The following UTS2 variants were observed in gnomAD, a reference collection of about 807,000 sequenced individuals.
The protein encoded by UTS2 is urotensin 2.
A neutral mutation model predicts 12.6 loss-of-function variants in UTS2; 10 were observed. The ratio of observed to expected loss-of-function variants is 0.80; its 90% CI spans 0.49 to 1.35. The LOEUF is 1.35. UTS2 is among the 40% of genes most tolerant of loss of function. The pLI is 0.00. For synonymous variants in UTS2, 52 were observed against 50.0 expected, an observed-to-expected ratio of 1.04 and a Z score of -0.17; for missense variants, 142 against 143.2, an observed-to-expected ratio of 0.99 and a Z score of 0.04.
At chr1:7,897,485 T>C in the UTS2 span, among the ~76,000 whole-genome samples, 1 of 152,374 alleles carries the variant, frequency 6.6e-6, no homozygotes, top group East Asian at 1.9e-4. Flanking sequence ...TATAAATCAA[T>C]TTGGAGAGAA....
the UTS2 span, among the ~76,000 whole-genome samples, chr1:7,890,045 C>T: frequency 4.7e-5 from 7 of 149,482 alleles, no homozygotes; most frequent in South Asian, 2.1e-4. Flanking sequence ...CCAGCGTAGA[C>T]GACAGAGCGA....
At chr1:7,864,975 GTGTC>G in the UTS2 span, among the ~76,000 whole-genome samples, 1 of 80,898 alleles carries the variant, frequency 1.2e-5, no homozygotes, top group Non-Finnish European at 2.9e-5. Context: ...GTCCCTCTGT[GTGTC>G]TGTCTGTCTG....
rs2097409256 is a variant in UTS2, at chr1:7,847,773, CAG to C, written c.366_367del (p.Tyr122Ter). The C allele has an allele frequency of 2.5e-6, 4 of 1,610,420 alleles. No homozygotes were observed. The highest frequency in any genetic ancestry group is 3.4e-6 in the Non-Finnish European group (4 of 1,177,548). The stretch of plus-strand genomic sequence containing the variant: ...ACAGATGCTTATTTCACTTCAGACA[CAG>C]TATTTCCAGAAGCAATCAGGAGTCT... On this transcript the variant is annotated stop_gained and frameshift_variant, in exon 4 of 4. Transcript: ENST00000361696. LOFTEE classifies it high-confidence loss of function.
At chr1:7,867,494 T>C in the UTS2 span, among the ~76,000 whole-genome samples, 2 of 152,130 alleles carry the variant, frequency 1.3e-5, no homozygotes, top group East Asian at 1.9e-4. Flanking sequence ...GAAAGGACCA[T>C]GTGAAGACGC....
chr1:7,850,898 G>C lies in UTS2; in HGVS notation c.128C>G (p.Thr43Ser). The change falls in exon 2 of 4, where the codon ACT becomes AGT. Residue 43 changes from threonine to serine, a missense_variant. Thr to Ser is a moderately conservative substitution (Grantham distance 58, BLOSUM62 1). Coordinates refer to ENST00000361696, the MANE Select transcript of UTS2 (RefSeq NM_006786.4). ...GGAAGCTCTTTCTAGCTCCTCCGGAGTTAAGCGCGCGTCTTCATGAGGTGC... is the reference window on the plus strand; with the variant it reads ...GGAAGCTCTTTCTAGCTCCTCCGGACTTAAGCGCGCGTCTTCATGAGGTGC... ...LSAPHEDARL[T>S]PEELERASLL... 1 of 1,614,190 alleles carries C rather than the reference G, an allele frequency of 6.2e-7. No homozygotes were observed. Among genetic ancestry groups the C allele is most frequent in the Non-Finnish European group, 8.5e-7 (1 of 1,180,034 alleles).
At chr1:7,895,806 C>T in the UTS2 span, among the ~76,000 whole-genome samples, 6 of 152,160 alleles carry the variant, frequency 3.9e-5, no homozygotes, top group African/African-American at 1.4e-4. Context: ...TGATAAAACT[C>T]TATTTGAGTG....
At chr1:7,901,269 C>T in the UTS2 span, among the ~76,000 whole-genome samples, 1 of 152,108 alleles carries the variant, frequency 6.6e-6, no homozygotes, top group Admixed American at 6.6e-5. Flanking sequence ...ATAACACAGG[C>T]ATGAATTAGG....
chr1:7,897,586 T>C, the UTS2 span, among the ~76,000 whole-genome samples: 4 of 152,142 alleles, frequency 2.6e-5, no homozygotes, highest in Non-Finnish European at 5.9e-5. Flanking sequence ...CATTAATGTT[T>C]CATAATTTTT....
chr1:7,894,392 T>A, the UTS2 span, among the ~76,000 whole-genome samples: 1 of 152,028 alleles, frequency 6.6e-6, no homozygotes, highest in South Asian at 2.1e-4. Flanking sequence ...CAGGCTCGTC[T>A]CAGACTCCTG....
the UTS2 span, among the ~76,000 whole-genome samples, chr1:7,876,202 G>T: frequency 1.3e-5 from 2 of 151,924 alleles, no homozygotes; most frequent in South Asian, 2.1e-4. Context: ...CATGAACATT[G>T]TCTGGGCCCG....
the UTS2 span, among the ~76,000 whole-genome samples, chr1:7,874,432 C>A: frequency 6.6e-5 from 10 of 152,234 alleles, no homozygotes; most frequent in Non-Finnish European, 1.0e-4. Context: ...TGCATCTCCA[C>A]ATCCATGGAG....
chr1:7,900,991 T>C, the UTS2 span, among the ~76,000 whole-genome samples: 1 of 152,198 alleles, frequency 6.6e-6, no homozygotes, highest in Non-Finnish European at 1.5e-5. Flanking sequence ...GGTCTAAGTT[T>C]AATTTGACAA....
chr1:7,861,595 G>T, the UTS2 span, among the ~76,000 whole-genome samples: 3 of 152,196 alleles, frequency 2.0e-5, no homozygotes, highest in Non-Finnish European at 4.4e-5. Flanking sequence ...TTTGCACGCG[G>T]TGTCCTCACA....
chr1:7,904,416 G>T, the UTS2 span, among the ~76,000 whole-genome samples: 686 of 151,942 alleles, frequency 4.5e-3, 3 homozygotes, highest in Non-Finnish European at 5.2e-3. Context: ...GGTTGAGGCT[G>T]CAATAAGCTA....
chr1:7,853,537 C>T (rs1411123276), upstream of UTS2: 4 of 1,464,150 alleles, frequency 2.7e-6, no homozygotes, highest in East Asian at 4.6e-5. Context: ...CAGCTATTTC[C>T]TTTAAAACAG....
the UTS2 span, among the ~76,000 whole-genome samples, chr1:7,894,932 A>C: frequency 2.0e-5 from 3 of 152,172 alleles, no homozygotes; most frequent in South Asian, 6.2e-4. Context: ...CCCTGTCTCA[A>C]ACAAAACCAA....
upstream of UTS2, among the ~76,000 whole-genome samples, chr1:7,856,559 G>A (rs1013919010): frequency 9.8e-4 from 36 of 36,624 alleles, no homozygotes; most frequent in Admixed American, 1.4e-3. Flanking sequence ...TTCCTGCGAG[G>A]GCAAATAAAG....
At chr1:7,853,720 C>A (rs1017515658), upstream of UTS2, among the ~76,000 whole-genome samples, 1 of 152,310 alleles carries the variant, frequency 6.6e-6, no homozygotes, top group African/African-American at 2.4e-5. Flanking sequence ...AGAAAACTCG[C>A]TGATAAACAT....
chr1:7,901,090 T>C, the UTS2 span, among the ~76,000 whole-genome samples: 10 of 152,320 alleles, frequency 6.6e-5, no homozygotes, highest in East Asian at 1.9e-3. Context: ...GTAAGTTACG[T>C]TTTTTCTAGG....
Sources: gnomAD v4.1 joint callset for allele counts (sites outside exome capture counted in the v4.1 genomes callset) on GRCh38, gnomAD v4.1.1 for gene constraint, MANE v1.5 for transcripts, NCBI Gene and HGNC (gene_info 2026-07-23, HGNC 2026-07-21) for gene names.